The following STK32B variants were observed in gnomAD, a reference collection of about 807,000 sequenced individuals.
STK32B encodes serine/threonine-protein kinase 32B.
STK32B carries 43 observed loss-of-function variants against 52.6 expected under a neutral mutation model. That is an observed-to-expected ratio of 0.82 (90% CI 0.64 to 1.05). The LOEUF (loss-of-function observed/expected upper bound fraction) is 1.05. Among genes scored for constraint, STK32B ranks in the 50% least tolerant of loss-of-function variants. STK32B has a pLI of 0.00. For synonymous variants in STK32B, 238 were observed against 204.3 expected (o/e 1.17, Z -1.41); for missense variants, 621 against 534.6 (o/e 1.16, Z -1.59).
intron 11 of STK32B, among the ~76,000 whole-genome samples, chr4:5,476,739 T>G (rs920804528): frequency 2.0e-5 from 3 of 151,198 alleles, no homozygotes; most frequent in African/African-American, 7.3e-5. Flanking sequence ...AGTTTATGAG[T>G]GAATATGACC....
chr4:5,476,743 T>C (rs1048203822), intron 11 of STK32B, among the ~76,000 whole-genome samples: 2 of 151,662 alleles, frequency 1.3e-5, no homozygotes, highest in African/African-American at 4.9e-5. Context: ...TATGAGTGAA[T>C]ATGACCTTAT....
chr4:5,236,973 T>C (rs1037502524), intron 3 of STK32B, among the ~76,000 whole-genome samples: 4 of 152,244 alleles, frequency 2.6e-5, no homozygotes, highest in African/African-American at 4.8e-5. Flanking sequence ...CCAAAGCAGC[T>C]GTACCAACAT....
At chr4:5,117,248 A>G (rs1228762991) in intron 1 of STK32B, among the ~76,000 whole-genome samples, 1 of 152,218 alleles carries the variant, frequency 6.6e-6, no homozygotes, top group Non-Finnish European at 1.5e-5. Context: ...TCAGCTTTTC[A>G]TCATTGGGTA....
intron 2 of STK32B, among the ~76,000 whole-genome samples, chr4:5,146,594 T>A (rs1716932763): frequency 6.6e-6 from 1 of 152,160 alleles, no homozygotes; most frequent in Admixed American, 6.5e-5. Context: ...TAATCAAATG[T>A]CAGTCTCTTA....
At chr4:5,041,220 C>A in the STK32B span, among the ~76,000 whole-genome samples, 1 of 152,126 alleles carries the variant, frequency 6.6e-6, no homozygotes. Context: ...TTTTGACTCT[C>A]TTCCTATAAA....
chr4:5,487,288 A>T (rs1405310480), intron 11 of STK32B, among the ~76,000 whole-genome samples: 4 of 152,200 alleles, frequency 2.6e-5, no homozygotes, highest in Non-Finnish European at 4.4e-5. Flanking sequence ...TTTCCATCTA[A>T]TTAGTCCATG....
intron 2 of STK32B, among the ~76,000 whole-genome samples, chr4:5,160,893 A>G (rs1290150158): frequency 6.6e-6 from 1 of 152,154 alleles, no homozygotes; most frequent in African/African-American, 2.4e-5. Context: ...AGTTGGTAAC[A>G]TGACCTGTGA....
At chr4:5,158,622 G>A (rs751238284) in intron 2 of STK32B, among the ~76,000 whole-genome samples, 6 of 152,148 alleles carry the variant, frequency 3.9e-5, no homozygotes, top group Admixed American at 6.5e-5. Flanking sequence ...TGCAGAGTTG[G>A]GGGCGGAACA....
intron 3 of STK32B, among the ~76,000 whole-genome samples, chr4:5,270,759 C>T (rs545672099): frequency 3.9e-5 from 6 of 152,106 alleles, no homozygotes; most frequent in Non-Finnish European, 7.4e-5. Flanking sequence ...ATGAATAAAA[C>T]TTTATTTGCT....
intron 6 of STK32B, among the ~76,000 whole-genome samples, chr4:5,444,556 C>T (rs933758122): frequency 2.0e-5 from 3 of 152,208 alleles, no homozygotes; most frequent in African/African-American, 7.2e-5. Context: ...AGAAATCACC[C>T]GTCTTCTGCG....
chr4:5,075,379 T>C (rs1344694524), intron 1 of STK32B, among the ~76,000 whole-genome samples: 2 of 152,236 alleles, frequency 1.3e-5, no homozygotes, highest in South Asian at 2.1e-4. Context: ...TCCATGACAT[T>C]GATTCCTTGA....
chr4:5,070,499 T>C (rs1380675168), intron 1 of STK32B, among the ~76,000 whole-genome samples: 1 of 152,160 alleles, frequency 6.6e-6, no homozygotes, highest in Non-Finnish European at 1.5e-5. Flanking sequence ...GGATGCCTAA[T>C]GCTTAGGTTG....
At chr4:5,177,437 C>T (rs372739839) in intron 3 of STK32B, among the ~76,000 whole-genome samples, 18 of 152,138 alleles carry the variant, frequency 1.2e-4, no homozygotes, top group African/African-American at 4.1e-4. Flanking sequence ...TTACAGTTCA[C>T]GATGCGACTT....
At chr4:5,497,133 G>A (rs1720334520) in intron 11 of STK32B, among the ~76,000 whole-genome samples, 1 of 152,132 alleles carries the variant, frequency 6.6e-6, no homozygotes, top group Non-Finnish European at 1.5e-5. Flanking sequence ...GTATTTTAAT[G>A]CAGTTTTAAG....
At chr4:5,454,266 T>C (rs1353909232) in intron 7 of STK32B, among the ~76,000 whole-genome samples, 2 of 152,114 alleles carry the variant, frequency 1.3e-5, no homozygotes, top group Non-Finnish European at 2.9e-5. Flanking sequence ...GTAACTAAGA[T>C]CCACACACTG....
At chr4:5,139,167 C>T (rs556732509) in intron 1 of STK32B, among the ~76,000 whole-genome samples, 2 of 152,078 alleles carry the variant, frequency 1.3e-5, no homozygotes, top group Non-Finnish European at 2.9e-5. Context: ...CATGGAGCTA[C>T]CTGATGAAAG....
chr4:5,408,551 G>T (rs1433578609), intron 5 of STK32B, among the ~76,000 whole-genome samples: 2 of 152,090 alleles, frequency 1.3e-5, no homozygotes, highest in African/African-American at 2.4e-5. Flanking sequence ...CTAGACTCAG[G>T]TATCCTTTTA....
intron 8 of STK32B, among the ~76,000 whole-genome samples, chr4:5,459,723 C>T (rs957090805): frequency 2.6e-5 from 4 of 152,202 alleles, no homozygotes; most frequent in African/African-American, 9.6e-5. Context: ...TTGGTGCCTC[C>T]CATTACCAAG....
At chr4:5,032,883 A>G in the STK32B span, among the ~76,000 whole-genome samples, 93 of 152,248 alleles carry the variant, frequency 6.1e-4, no homozygotes, top group Middle Eastern at 3.4e-3. Context: ...AACTCAAACC[A>G]GACAGTTGAA....
Sources: allele counts gnomAD v4.1 joint callset (sites outside exome capture counted in the v4.1 genomes callset), GRCh38; gene constraint gnomAD v4.1.1; transcripts MANE v1.5; gene names NCBI Gene and HGNC (gene_info 2026-07-23, HGNC 2026-07-21).